The following SH3PXD2B variants were observed in gnomAD, a reference collection of about 807,000 sequenced individuals.
SH3PXD2B encodes SH3 and PX domains 2B.
SH3PXD2B carries 37 observed loss-of-function variants against 73.1 expected under a neutral mutation model. The observed-to-expected ratio is 0.51, with a 90% CI of 0.39 to 0.67. The LOEUF (loss-of-function observed/expected upper bound fraction) is 0.67. SH3PXD2B is among the 30% of genes least tolerant of loss of function. SH3PXD2B has a pLI of 0.00. For missense variants in SH3PXD2B, 1,053 were observed against 1,197.8 expected (o/e 0.88, Z 1.78); for synonymous variants, 457 against 480.5 (o/e 0.95, Z 0.64).
chr5:172,375,783 CTT>C (rs916322388), intron 5 of SH3PXD2B, among the ~76,000 whole-genome samples: 11 of 152,178 alleles, frequency 7.2e-5, no homozygotes, highest in African/African-American at 2.7e-4. Context: ...TGTTTCCACT[CTT>C]TGGCTATTTT....
chr5:172,364,732 G>A (rs1757475618), intron 6 of SH3PXD2B, among the ~76,000 whole-genome samples: 1 of 152,132 alleles, frequency 6.6e-6, no homozygotes, highest in Non-Finnish European at 1.5e-5. Flanking sequence ...GGAGCAGTGT[G>A]GGACAGCCAG....
chr5:172,428,100 T>C (rs576781358), intron 1 of SH3PXD2B, among the ~76,000 whole-genome samples: 3 of 152,316 alleles, frequency 2.0e-5, no homozygotes, highest in African/African-American at 7.2e-5. Flanking sequence ...TAAAGCAGAT[T>C]TCCTGCAGAG....
intron 1 of SH3PXD2B, among the ~76,000 whole-genome samples, chr5:172,423,831 C>T (rs539609188): frequency 5.9e-5 from 9 of 152,146 alleles, no homozygotes; most frequent in African/African-American, 1.9e-4. Flanking sequence ...TTAGTAGAGA[C>T]GGGGTTTTGT....
At position 172,368,485 on chromosome 5, in the gene SH3PXD2B, ATATATATATATT is replaced by A. The variant is rs1329407265; in HGVS notation, c.427+5293_427+5304del. On this transcript the variant is annotated intron_variant, in intron 6 of 12. Transcript: ENST00000311601. Reference sequence around the variant, plus strand: ...TATATATATTATATATATATATAAAATATATATATATTATATATATATATATAAAATATATAT... The same window carrying A: ...TATATATATTATATATATATATAAAAATATATATATATATAAAATATATAT... 4.4e-3 allele frequency among the ~76,000 whole-genome samples: 59 copies of A among 13,414 alleles called. 12 individuals are homozygous for A. Among genetic ancestry groups the A allele is most frequent in the African/African-American group, 0.02 (58 of 2,968 alleles). The allele number at this position is 13,414 out of a possible 152,430, so 8.8% of individuals were successfully genotyped here. A position where few individuals can be genotyped will look rare whatever the true frequency, so the allele number is the denominator to read the frequency against.
intron 2 of SH3PXD2B, among the ~76,000 whole-genome samples, chr5:172,408,885 C>T (rs1181050012): frequency 6.7e-6 from 1 of 150,020 alleles, no homozygotes; most frequent in Non-Finnish European, 1.5e-5. Context: ...TTTTAATTGA[C>T]ACATAATAAT....
chr5:172,385,228 T>C (rs1041906928), intron 4 of SH3PXD2B, among the ~76,000 whole-genome samples: 1 of 152,228 alleles, frequency 6.6e-6, no homozygotes, highest in Non-Finnish European at 1.5e-5. Flanking sequence ...GATTATATGC[T>C]GGACTGTGGT....
Position 172,334,667 on chromosome 5 carries a change from T to C in SH3PXD2B, c.*3702A>G. The stretch of plus-strand genomic sequence containing the variant: ...GGGGTCCAGCTACGAATGTTTTTGT[T>C]CTTGATGTCAAGTTGCCAGCTACTG... On this transcript the variant is annotated 3_prime_UTR_variant, in exon 13 of 13. Coordinates refer to ENST00000311601, the MANE Select transcript of SH3PXD2B (RefSeq NM_001017995.3). The C allele has an allele frequency of 1.0e-6, 1 of 985,510 alleles. No individual in the cohort carries two copies. Among genetic ancestry groups the C allele is most frequent in the Non-Finnish European group, 1.2e-6 (1 of 829,996 alleles). The allele number at this position is 985,510 out of a possible 1,614,324, so 61.0% of individuals were successfully genotyped here.
intron 1 of SH3PXD2B, among the ~76,000 whole-genome samples, chr5:172,444,572 T>C (rs1034514337): frequency 6.6e-6 from 1 of 152,198 alleles, no homozygotes; most frequent in Non-Finnish European, 1.5e-5. Flanking sequence ...TATTGAATCT[T>C]GAGAACAAAA....
At chr5:172,365,239 C>G (rs116282204) in intron 6 of SH3PXD2B, among the ~76,000 whole-genome samples, 2 of 152,156 alleles carry the variant, frequency 1.3e-5, no homozygotes, top group African/African-American at 4.8e-5. Context: ...CAATGAGGGT[C>G]TATCACAGCC....
intron 6 of SH3PXD2B, among the ~76,000 whole-genome samples, chr5:172,367,389 G>GTTT (rs34660682): frequency 1.5e-5 from 2 of 137,724 alleles, no homozygotes; most frequent in Admixed American, 7.4e-5. Context: ...CCTCTCATCA[G>GTTT]TTTTTTTTTT....
intron 4 of SH3PXD2B, among the ~76,000 whole-genome samples, chr5:172,385,556 G>A (rs975914847): frequency 2.0e-5 from 3 of 152,160 alleles, no homozygotes; most frequent in Admixed American, 6.5e-5. Flanking sequence ...TAAATAACAC[G>A]AGGCAACAGC....
intron 4 of SH3PXD2B, among the ~76,000 whole-genome samples, chr5:172,393,972 C>T (rs10078465): frequency 0.062 from 9,370 of 151,786 alleles, 433 homozygotes; most frequent in African/African-American, 0.14. Context: ...TGAGACAGAG[C>T]CTCACTCTGT....
chr5:172,358,667 C>A, intron 8 of SH3PXD2B, 106 bp downstream of exon 8: 1 of 1,035,542 alleles, frequency 9.7e-7, no homozygotes, highest in Non-Finnish European at 1.5e-6. Context: ...GCTGCTGAGA[C>A]GCAGAGGCAG....
chr5:172,440,052 G>C (rs1285002956), intron 1 of SH3PXD2B, among the ~76,000 whole-genome samples: 1 of 152,210 alleles, frequency 6.6e-6, no homozygotes, highest in African/African-American at 2.4e-5. Context: ...AAGTCTCCAG[G>C]GCAAGCACTT....
chr5:172,362,606 A>C (rs1581275433), intron 7 of SH3PXD2B, 129 bp downstream of exon 7: 1 of 1,301,828 alleles, frequency 7.7e-7, no homozygotes, highest in Admixed American at 1.7e-5. Context: ...TTTCTAGGAG[A>C]CCCTCAGCAG....
intron 1 of SH3PXD2B, among the ~76,000 whole-genome samples, chr5:172,449,536 A>C (rs962038659): frequency 6.6e-6 from 1 of 152,232 alleles, no homozygotes; most frequent in African/African-American, 2.4e-5. Context: ...AATCCCGCCA[A>C]TCAATAAAAG....
At position 172,336,247 on chromosome 5, in the gene SH3PXD2B, T is replaced by G; in HGVS notation, c.*2122A>C. 1 of 985,376 alleles carries G rather than the reference T, an allele frequency of 1.0e-6. No homozygotes were observed. Among genetic ancestry groups the G allele is most frequent in the East Asian group, 1.1e-4 (1 of 8,832 alleles). The allele number at this position is 985,376 out of a possible 1,614,324, so 61.0% of individuals were successfully genotyped here. Reference sequence around the variant, plus strand: ...AAATGCAGTCAAATCTCACATAGCTTCACAAAAGTTGTTTAAACCAAAGTG... The same window carrying G: ...AAATGCAGTCAAATCTCACATAGCTGCACAAAAGTTGTTTAAACCAAAGTG... On this transcript the variant is annotated 3_prime_UTR_variant, in exon 13 of 13. Coordinates refer to ENST00000311601, the MANE Select transcript of SH3PXD2B (RefSeq NM_001017995.3).
chr5:172,358,706 G>GT (rs1757333553), intron 8 of SH3PXD2B, 67 bp downstream of exon 8: 5 of 1,435,116 alleles, frequency 3.5e-6, no homozygotes, highest in African/African-American at 1.4e-5. Flanking sequence ...GGATGAAAAG[G>GT]CAACCCAGTA....
intron 12 of SH3PXD2B, among the ~76,000 whole-genome samples, chr5:172,343,149 G>A (rs1225519873): frequency 2.6e-5 from 4 of 152,232 alleles, no homozygotes; most frequent in Non-Finnish European, 5.9e-5. Context: ...TTGACAGGCA[G>A]CACTTAATGA....
Sources: gnomAD v4.1 joint callset for allele counts (sites outside exome capture counted in the v4.1 genomes callset) on GRCh38, gnomAD v4.1.1 for gene constraint, MANE v1.5 for transcripts, NCBI Gene and HGNC (gene_info 2026-07-23, HGNC 2026-07-21) for gene names.